Variants in ATR observed in about 807,000 individuals in gnomAD.
ATR encodes serine/threonine-protein kinase ATR.
Under a neutral mutation model 305.3 loss-of-function variants are expected in ATR, and 142 were observed. That is an observed-to-expected ratio of 0.47 (90% CI 0.41 to 0.53). ATR has a LOEUF of 0.53. Ranked by LOEUF, ATR falls within the 20% of genes least tolerant of loss-of-function variation. The pLI is 0.00. For missense variants in ATR, 2,135 were observed against 3,133.1 expected (o/e 0.68, Z 7.60); for synonymous variants, 1,050 against 1,068.1 (o/e 0.98, Z 0.33).
intron 21 of ATR, among the ~76,000 whole-genome samples, chr3:142,532,014 G>A (rs1340190489): frequency 6.6e-6 from 1 of 152,176 alleles, no homozygotes; most frequent in Admixed American, 6.5e-5. Flanking sequence ...CAGTGAGGAT[G>A]AGCATTTTTT....
intron 22 of ATR, among the ~76,000 whole-genome samples, chr3:142,523,119 A>G (rs2108397375): frequency 6.6e-6 from 1 of 152,252 alleles, no homozygotes; most frequent in South Asian, 2.1e-4. Flanking sequence ...TTGTTTTTTA[A>G]CCCTTAAAAA....
At chr3:142,461,237 A>C (rs542129534) in intron 42 of ATR, among the ~76,000 whole-genome samples, 18 of 152,222 alleles carry the variant, frequency 1.2e-4, no homozygotes, top group African/African-American at 4.1e-4. Flanking sequence ...TTTGCCTATT[A>C]ATTTTAGCAT....
Position 142,515,474 on chromosome 3 carries a change from T to C in ATR, c.4424A>G (p.Lys1475Arg). ...SQKSTDWSGV[K>R]KPIYLSKLGS... ...CAATTTACTTAAGTAAATTGGCTTC[T>C]TTACTCCAGACCAATCGGTTGACTT... is the stretch of plus-strand genomic sequence containing the variant. Residue 1475 changes from lysine (K) to arginine (R), a missense_variant, in exon 25 of 47, where the codon AAG becomes AGG. Lys to Arg is a conservative substitution (Grantham distance 26). Coordinates refer to ENST00000350721, the MANE Select transcript of ATR (RefSeq NM_001184.4). 2 of 1,612,950 alleles carry C rather than the reference T, an allele frequency of 1.2e-6. No individual in the cohort carries two copies. The highest frequency in any genetic ancestry group is 1.3e-5 in the African/African-American group (1 of 75,022).
intron 37 of ATR, among the ~76,000 whole-genome samples, chr3:142,469,780 A>T (rs1414812416): frequency 1.3e-5 from 2 of 152,224 alleles, no homozygotes. Flanking sequence ...CCCAAGGGAC[A>T]TTAATTTTCA....
chr3:142,568,607 G>C (rs2035154695), intron 1 of ATR, among the ~76,000 whole-genome samples: 2 of 152,164 alleles, frequency 1.3e-5, no homozygotes, highest in Non-Finnish European at 2.9e-5. Context: ...TTGCAGGGTC[G>C]GGAGCCCAGC....
intron 36 of ATR, among the ~76,000 whole-genome samples, chr3:142,473,460 T>A (rs1399554930): frequency 1.3e-5 from 2 of 152,164 alleles, no homozygotes; most frequent in Admixed American, 6.6e-5. Flanking sequence ...TATGTAGCCA[T>A]TTTAATACTA....
At chr3:142,506,362 A>C (rs1450022011) in intron 28 of ATR, among the ~76,000 whole-genome samples, 2 of 152,166 alleles carry the variant, frequency 1.3e-5, no homozygotes, top group Non-Finnish European at 2.9e-5. Flanking sequence ...ACACAAGTAG[A>C]AAGATTGAAT....
At chr3:142,565,733 T>TAA (rs55690216) in intron 3 of ATR, among the ~76,000 whole-genome samples, 21,464 of 78,586 alleles carry the variant, frequency 0.27, 2,916 homozygotes, top group Non-Finnish European at 0.34. Flanking sequence ...CTGTCTTATT[T>TAA]AAAAAAAAAA....
At chr3:142,455,726 A>G (rs1184491884) in intron 45 of ATR, among the ~76,000 whole-genome samples, 1 of 152,252 alleles carries the variant, frequency 6.6e-6, no homozygotes, top group Non-Finnish European at 1.5e-5. Flanking sequence ...CACCATATCT[A>G]CAAAATAACT....
intron 21 of ATR, among the ~76,000 whole-genome samples, chr3:142,528,692 T>TG (rs922587198): frequency 3.3e-5 from 5 of 151,228 alleles, no homozygotes; most frequent in Non-Finnish European, 7.4e-5. Flanking sequence ...GTGACTCAGA[T>TG]GCTTGGCTAC....
chr3:142,511,041 C>T (rs1405341665), intron 27 of ATR, among the ~76,000 whole-genome samples: 4 of 152,012 alleles, frequency 2.6e-5, no homozygotes, highest in Non-Finnish European at 5.9e-5. Context: ...AGATATCAAA[C>T]ACTACTAGAG....
At chr3:142,562,018 G>A (rs748394257) in intron 4 of ATR, among the ~76,000 whole-genome samples, 12 of 151,962 alleles carry the variant, frequency 7.9e-5, no homozygotes, top group Non-Finnish European at 1.5e-4. Flanking sequence ...CTACTCCATT[G>A]GCAGTTCATT....
chr3:142,511,201 T>TACACAC (rs145651691), intron 27 of ATR, among the ~76,000 whole-genome samples: 5 of 150,052 alleles, frequency 3.3e-5, no homozygotes, highest in African/African-American at 9.8e-5. Context: ...AGTACACACA[T>TACACAC]ACACACACAC....
chr3:142,479,659 C>T (rs1376961705), intron 36 of ATR, among the ~76,000 whole-genome samples: 7 of 152,166 alleles, frequency 4.6e-5, no homozygotes, highest in Admixed American at 4.6e-4. Flanking sequence ...GGGAAGTTCT[C>T]CTGGATTATA....
Position 142,549,285 on chromosome 3 carries a change from G to A in ATR, c.3171+194C>T, listed in dbSNP as rs2034391376. Among the ~76,000 whole-genome samples the A allele has an allele frequency of 2.0e-5, 3 of 152,084 alleles. No individual in the cohort carries two copies. The East Asian group carries it at 5.8e-4, about 29-fold the overall frequency. ...CTATCATATCCCATTATGGTGAAAT[G>A]ATCAAAGAAAACAAAAGGAGAATTC... On this transcript the variant is annotated intron_variant, in intron 15 of 46. Transcript: ENST00000350721.
chr3:142,451,461 G>T, intron 46 of ATR: 1 of 1,494,836 alleles, frequency 6.7e-7, no homozygotes, highest in South Asian at 1.1e-5. Flanking sequence ...AGGAGACTTT[G>T]GTCTGGCTTG....
chr3:142,505,441 A>G, intron 28 of ATR, 138 bp from the exon 29 acceptor site: 1 of 985,588 alleles, frequency 1.0e-6, no homozygotes, highest in Non-Finnish European at 1.5e-6. Flanking sequence ...CATTTGTTTC[A>G]TGGCAAAGTC....
chr3:142,449,852 T>C (rs974670843), intron 46 of ATR: 1 of 517,328 alleles, frequency 1.9e-6, no homozygotes, highest in African/African-American at 1.9e-5. Flanking sequence ...TACCAGGGAA[T>C]TATTTACACA....
chr3:142,549,726 AT>A, intron 14 of ATR, 53 bp from the exon 15 acceptor site: 1 of 1,537,208 alleles, frequency 6.5e-7, no homozygotes, highest in Non-Finnish European at 9.0e-7. Flanking sequence ...GGTGAAAAAA[AT>A]ATTCACATAA....
Sources: gnomAD v4.1 joint callset for allele counts (sites outside exome capture counted in the v4.1 genomes callset) on GRCh38, gnomAD v4.1.1 for gene constraint, MANE v1.5 for transcripts, NCBI Gene and HGNC (gene_info 2026-07-23, HGNC 2026-07-21) for gene names.